The following VWCE variants were observed in gnomAD, a reference collection of about 807,000 sequenced individuals.
VWCE encodes von Willebrand factor C and EGF domain-containing protein.
Under a neutral mutation model 102.9 loss-of-function variants are expected in VWCE, and 68 were observed. That is an observed-to-expected ratio of 0.66 (90% CI 0.54 to 0.81). VWCE has a LOEUF of 0.81. Among genes scored for constraint, VWCE ranks in the 30% least tolerant of loss-of-function variants. The pLI is 0.00. For missense variants in VWCE, 1,137 were observed against 1,263.6 expected (o/e 0.90, Z 1.52); for synonymous variants, 497 against 515.4 (o/e 0.96, Z 0.48).
Position 61,265,022 on chromosome 11 carries a change from T to C in VWCE, c.2073A>G (p.Gly691=). ...ACACCTGGCCATTCGCCACCTTCCT[T>C]CCCTCGTAGTTGCAGTCTGTGGAGG... ...CPVCRDCNYE[G]RKVANGQVFT... The change falls in exon 18 of 20, where the codon GGA becomes GGG. Residue 691 remains glycine, a synonymous_variant. Coordinates refer to ENST00000335613, the MANE Select transcript of VWCE (RefSeq NM_152718.2). 4 of 1,614,096 alleles carry C rather than the reference T, an allele frequency of 2.5e-6. No homozygotes were observed. The highest frequency in any genetic ancestry group is 3.4e-6 in the Non-Finnish European group (4 of 1,180,016).
Position 61,278,463 on chromosome 11 carries a change from A to T in VWCE, c.1338T>A (p.Ser446Arg). 6.2e-7 allele frequency: 1 copy of T among 1,614,162 alleles called. No individual in the cohort carries two copies. The highest frequency in any genetic ancestry group is 8.5e-7 in the Non-Finnish European group (1 of 1,180,018). Reference protein sequence around the residue: ...CCPSCTGCFHSGVVRAEGDVF... With the variant: ...CCPSCTGCFHRGVVRAEGDVF... ...CATCCCCTTCAGCTCGGACGACACC[A>T]CTGTGAAAACAGCCTTTGAAGGACA... The change falls in exon 10 of 20, where the codon AGT (serine) becomes AGA (arginine). Residue 446 changes from serine to arginine, a missense_variant. This residue lies in a region of VWCE where 575 missense variants were observed against 625.9 expected (regional missense o/e 0.92). Coordinates refer to ENST00000335613, the MANE Select transcript of VWCE (RefSeq NM_152718.2).
In VWCE at chr11:61,281,146, G is replaced by A. The variant is rs925250645; in HGVS notation, c.877C>T (p.Arg293Trp). The change falls in exon 8 of 20, where the codon CGG becomes TGG. Residue 293 changes from arginine (R) to tryptophan (W), a missense_variant. Transcript: ENST00000335613. ...CTATGTCCTGGGGACAGGGCAGGCC[G>A]GCCGGCCTCAGGAAGCAACAGAAGC... ...KMLLLLPEAG[R>W]PALSPGHSPP... is the part of the protein sequence containing the mutation. 3.1e-6 allele frequency: 5 copies of A among 1,613,722 alleles called. No homozygotes were observed. The highest frequency in any genetic ancestry group is 2.2e-5 in the East Asian group (1 of 44,854).
intron 5 of VWCE, among the ~76,000 whole-genome samples, chr11:61,283,604 T>A (rs1369393186): frequency 1.3e-5 from 2 of 152,052 alleles, no homozygotes; most frequent in Non-Finnish European, 2.9e-5. Context: ...AGAGATGGGG[T>A]TTCACCATGT....
Position 61,294,674 on chromosome 11 carries a change from C to A in VWCE, c.110+254G>T, listed in dbSNP as rs1042633182. On this transcript the variant is annotated intron_variant, in intron 1 of 19. Coordinates refer to ENST00000335613, the MANE Select transcript of VWCE (RefSeq NM_152718.2). The surrounding 1 kb of genome is among the most constrained non-coding windows in gnomAD (Gnocchi z 6.3). ...GCTCCAGGGCACATTAGGAGTCACC[C>A]AACGCCTGGACCTCCGATCTCCCAG... 1.3e-5 allele frequency among the ~76,000 whole-genome samples: 2 copies of A among 152,124 alleles called. No homozygotes were observed. The highest frequency in any genetic ancestry group is 1.3e-4 in the Admixed American group (2 of 15,284).
At chr11:61,291,646 C>T in intron 1 of VWCE, 70 bp from the exon 2 acceptor site, 1 of 1,268,852 alleles carries the variant, frequency 7.9e-7, no homozygotes, top group Non-Finnish European at 1.0e-6. Context: ...GAAAGTCTCC[C>T]AGCCAGTGTG....
At chr11:61,289,114 A>T (rs1023283098) in intron 4 of VWCE, among the ~76,000 whole-genome samples, 12 of 152,168 alleles carry the variant, frequency 7.9e-5, no homozygotes, top group African/African-American at 2.9e-4. Context: ...CTGAGATTAC[A>T]GCGGTGAGCC....
chr11:61,259,430 CT>C, intron 19 of VWCE, 118 bp from the exon 20 acceptor site: 3 of 1,280,248 alleles, frequency 2.3e-6, no homozygotes, highest in Non-Finnish European at 3.1e-6. Flanking sequence ...CTCAGCACAC[CT>C]GGTGAGGACC....
At chr11:61,265,436 A>AC (rs1480968441) in intron 16 of VWCE, among the ~76,000 whole-genome samples, 1 of 152,174 alleles carries the variant, frequency 6.6e-6, no homozygotes, top group East Asian at 1.9e-4. Context: ...TTGTCCACGG[A>AC]GGGCATCTGT....
Position 61,258,637 on chromosome 11 carries a change from G to C in VWCE, c.*38C>G. 1 of 1,340,732 alleles carries C rather than the reference G, an allele frequency of 7.5e-7. No homozygotes were observed. Among genetic ancestry groups the C allele is most frequent in the Admixed American group, 2.8e-5 (1 of 35,832 alleles). The allele number at this position is 1,340,732 out of a possible 1,614,324, so 83.1% of individuals were successfully genotyped here. A position where few individuals can be genotyped will look rare whatever the true frequency, so the allele number is the denominator to read the frequency against. On this transcript the variant is annotated 3_prime_UTR_variant, in exon 20 of 20. Coordinates refer to ENST00000335613, the MANE Select transcript of VWCE (RefSeq NM_152718.2). ...GCACACACCCTGGGCCACTGGCAGA[G>C]GTCCTCTCTCCAGAGTCTCCCGGAC...
chr11:61,281,161 G>T lies in VWCE; in HGVS notation c.862C>A (p.Leu288Ile), dbSNP rs1369051119. Residue 288 changes from leucine to isoleucine, a missense_variant, in exon 8 of 20, where the codon CTT becomes ATT. By Grantham distance (5) the Leu-to-Ile change is conservative (BLOSUM62 2). Transcript: ENST00000335613. ...RQHPSKMLLLLPEAGRPALSP... is the reference protein window; with the variant it reads ...RQHPSKMLLLIPEAGRPALSP... ...AGGGCAGGCCGGCCGGCCTCAGGAA[G>T]CAACAGAAGCATCTTGGACGGGTGT... 6 of 1,613,728 alleles carry T rather than the reference G, an allele frequency of 3.7e-6. No individual in the cohort carries two copies. The South Asian group carries it at 6.6e-5, about 18-fold the overall frequency.
At chr11:61,264,752 C>T (rs1022898291) in intron 18 of VWCE, among the ~76,000 whole-genome samples, 175 bp from the exon 19 acceptor site, 1 of 152,230 alleles carries the variant, frequency 6.6e-6, no homozygotes. Context: ...GGCAGGACCC[C>T]CTTTGGGAAA....
At chr11:61,291,054 C>T (rs1855488467) in intron 3 of VWCE, 127 bp from the exon 4 acceptor site, 2 of 1,417,212 alleles carry the variant, frequency 1.4e-6, no homozygotes, top group Admixed American at 2.5e-5. Flanking sequence ...GGTTTAAATC[C>T]AGCTCTGCCA....
At chr11:61,273,086 A>G in intron 13 of VWCE, 113 bp downstream of exon 13, 2 of 1,051,348 alleles carry the variant, frequency 1.9e-6, no homozygotes, top group Non-Finnish European at 1.5e-6. Flanking sequence ...ACAAAGACAC[A>G]TGTACACACA....
intron 19 of VWCE, among the ~76,000 whole-genome samples, chr11:61,260,644 T>C (rs1208860787): frequency 6.6e-6 from 1 of 152,182 alleles, no homozygotes. Flanking sequence ...CAGCTTACCC[T>C]GGCTGACCTT....
At chr11:61,269,859 G>A (rs900879034) in intron 14 of VWCE, among the ~76,000 whole-genome samples, 1 of 151,856 alleles carries the variant, frequency 6.6e-6, no homozygotes, top group Non-Finnish European at 1.5e-5. Context: ...GGAGAAGACA[G>A]CACAGGAAGG....
At chr11:61,288,836 C>T (rs1359189120) in intron 4 of VWCE, among the ~76,000 whole-genome samples, 3 of 146,784 alleles carry the variant, frequency 2.0e-5, no homozygotes, top group Non-Finnish European at 3.0e-5. Context: ...CTCTTTATGG[C>T]GCGTTTTTTT....
chr11:61,274,651 C>A, intron 11 of VWCE, 67 bp from the exon 12 acceptor site: 1 of 1,479,270 alleles, frequency 6.8e-7, no homozygotes, highest in Non-Finnish European at 9.4e-7. Context: ...AAGGGGGGAA[C>A]AAATGGGTAG....
chr11:61,268,121 T>TA (rs1193419377), intron 15 of VWCE, among the ~76,000 whole-genome samples: 1 of 150,170 alleles, frequency 6.7e-6, no homozygotes, highest in Non-Finnish European at 1.5e-5. Context: ...TATATATATA[T>TA]TATATATATA....
In VWCE at chr11:61,258,878, G is replaced by T. The variant is rs760238205; in HGVS notation, c.2665C>A (p.Pro889Thr). ...SGAQIVSRWP[P>T]LPGTLLTEAS... ...TCCGTCAGGAGGGTGCCAGGCAGAG[G>T]AGGCCACCTGGACACTATCTGGGCC... The change falls in exon 20 of 20, where the codon CCT (proline) becomes ACT (threonine). Residue 889 changes from proline (P) to threonine (T), a missense_variant. By Grantham distance (38) the Pro-to-Thr change is conservative (BLOSUM62 -1). Around this residue, in one of 5 missense-constraint regions of VWCE, gnomAD observed 316 missense variants for 319.3 expected, o/e 0.99. Coordinates refer to ENST00000335613, the MANE Select transcript of VWCE (RefSeq NM_152718.2). 1 of 1,520,048 alleles carries T rather than the reference G, an allele frequency of 6.6e-7. No homozygotes were observed. Among genetic ancestry groups the T allele is most frequent in the Non-Finnish European group, 8.8e-7 (1 of 1,136,224 alleles). The allele number at this position is 1,520,048 out of a possible 1,614,324, so 94.2% of individuals were successfully genotyped here. A position where few individuals can be genotyped will look rare whatever the true frequency, so the allele number is the denominator to read the frequency against.
Sources: allele counts gnomAD v4.1 joint callset (sites outside exome capture counted in the v4.1 genomes callset), GRCh38; gene constraint gnomAD v4.1.1; regional missense constraint gnomAD v4.1.1; non-coding constraint Gnocchi (gnomAD v3.1); transcripts MANE v1.5; gene names NCBI Gene and HGNC (gene_info 2026-07-23, HGNC 2026-07-21).